MRPS18A: variants seen among roughly 807,000 people sequenced by gnomAD.
MRPS18A encodes the protein mitochondrial ribosomal protein S18A.
Under a neutral mutation model 22.7 loss-of-function variants are expected in MRPS18A, and 20 were observed. The ratio of observed to expected loss-of-function variants is 0.88; its 90% CI spans 0.62 to 1.28. MRPS18A has a LOEUF of 1.28. MRPS18A is among the 50% of genes most tolerant of loss of function. The pLI is 0.00. For missense variants in MRPS18A, 294 were observed against 262.6 expected (o/e 1.12, Z -0.83); for synonymous variants, 106 against 99.1 (o/e 1.07, Z -0.41).
chr6:43,681,032 G>A (rs995268792), intron 2 of MRPS18A, 57 bp downstream of exon 2: 21 of 1,561,720 alleles, frequency 1.3e-5, no homozygotes, highest in African/African-American at 6.8e-5. Flanking sequence ...TCAGAGGAGC[G>A]GCCAGGCAGC....
At chr6:43,682,424 C>T (rs1484755530) in intron 1 of MRPS18A, among the ~76,000 whole-genome samples, 2 of 152,212 alleles carry the variant, frequency 1.3e-5, no homozygotes, top group African/African-American at 4.8e-5. Context: ...CCTAATTGGA[C>T]ACAGACTGCT....
intron 1 of MRPS18A, among the ~76,000 whole-genome samples, chr6:43,682,748 G>C (rs1176600656): frequency 1.3e-5 from 2 of 152,352 alleles, no homozygotes; most frequent in East Asian, 3.9e-4. Flanking sequence ...CACAGCTGCA[G>C]AGGGAAGGTC....
intron 5 of MRPS18A, 105 bp downstream of exon 5, chr6:43,675,097 G>A: frequency 1.0e-6 from 1 of 992,910 alleles, no homozygotes; most frequent in East Asian, 2.6e-5. Flanking sequence ...GTGGACTGAT[G>A]GGGGTGGATG....
rs1013680379 is a variant in MRPS18A, at chr6:43,673,184, C to T, written c.447-1278G>A. On this transcript the variant is annotated intron_variant, in intron 5 of 5. Transcript: ENST00000372133. This position sits in a 1 kb window ranked among gnomAD's most constrained non-coding sequence, Gnocchi z 4.2. ...TGTATTTTTAGTAGAGACGTGGTTT[C>T]CTCATGTTGGCCAGGCTGGTCTTGA... Among the ~76,000 whole-genome samples, 2 of 152,060 alleles carry T rather than the reference C, an allele frequency of 1.3e-5. No homozygotes were observed. The highest frequency in any genetic ancestry group is 2.4e-5 in the African/African-American group (1 of 41,384).
intron 1 of MRPS18A, among the ~76,000 whole-genome samples, chr6:43,685,010 G>C (rs903462264): frequency 6.6e-6 from 1 of 152,176 alleles, no homozygotes; most frequent in African/African-American, 2.4e-5. Context: ...AGAGCTTTCA[G>C]GGAAGGAGGG....
At position 43,671,981 on chromosome 6, in the gene MRPS18A, T is replaced by G. The variant is rs868210794; in HGVS notation, c.447-75A>C. 251 of 1,455,192 alleles carry G rather than the reference T, an allele frequency of 1.7e-4. No individual in the cohort carries two copies. The African/African-American group carries it at 3.2e-3, about 18-fold the overall frequency. 90.1% of individuals were successfully genotyped at this position (1,455,192 alleles called of 1,614,324 possible). The stretch of plus-strand genomic sequence containing the variant: ...GGACGTGGGAGAGTGGAGCACTACC[T>G]CCTCAGGCCAGGCCACGGTTGGGCA... On this transcript the variant is annotated intron_variant, in intron 5 of 5. Coordinates refer to ENST00000372133, the MANE Select transcript of MRPS18A (RefSeq NM_018135.4).
At chr6:43,682,605 C>A (rs1774479563) in intron 1 of MRPS18A, among the ~76,000 whole-genome samples, 1 of 152,202 alleles carries the variant, frequency 6.6e-6, no homozygotes, top group African/African-American at 2.4e-5. Flanking sequence ...CTAATCAATT[C>A]AAAGACAACC....
chr6:43,681,105 T>C lies in MRPS18A; in HGVS notation c.128A>G (p.Glu43Gly). ...GATACTTACTATAGTTGTCTTCCCTTCTTGGGTCTCCACCACTACGGAGAT... is the reference window on the plus strand; with the variant it reads ...GATACTTACTATAGTTGTCTTCCCTCCTTGGGTCTCCACCACTACGGAGAT... ...RGFREVVETQ[E>G]GKTTIIEGRI... Residue 43 changes from glutamate to glycine, a missense_variant, in exon 2 of 6, where the codon GAA (glutamate) becomes GGA (glycine). Transcript: ENST00000372133. 1.9e-6 allele frequency: 3 copies of C among 1,613,594 alleles called. No homozygotes were observed. Among genetic ancestry groups the C allele is most frequent in the East Asian group, 4.5e-5 (2 of 44,884 alleles).
At chr6:43,671,961 T>A (rs1773728297) in intron 5 of MRPS18A, 55 bp from the exon 6 acceptor site, 1 of 1,512,490 alleles carries the variant, frequency 6.6e-7, no homozygotes, top group Non-Finnish European at 8.9e-7. Context: ...AAGCTGGACG[T>A]GGGAGAGTGG....
Position 43,675,225 on chromosome 6 carries a change from C to T in MRPS18A, c.423G>A (p.Pro141=), listed in dbSNP as rs571547048. The T allele has an allele frequency of 5.3e-6, 8 of 1,521,590 alleles. No individual in the cohort carries two copies. The highest frequency in any genetic ancestry group is 4.6e-5 in the East Asian group (2 of 43,952). 94.3% of individuals were successfully genotyped at this position (1,521,590 alleles called of 1,614,324 possible). The change falls in exon 5 of 6, where the codon CCG becomes CCA. Residue 141 remains proline (P), a synonymous_variant. Coordinates refer to ENST00000372133, the MANE Select transcript of MRPS18A (RefSeq NM_018135.4). The stretch of plus-strand genomic sequence containing the variant: ...ACCGGTTGAGTTGGGGTTTGCTCTT[C>T]GGAACAACTCCTTCAGGAAGCCGAG... ...HRPRLPEGVV[P]KSKPQLNRYL...
Position 43,687,751 on chromosome 6 carries a change from C to G in MRPS18A, c.29G>C (p.Gly10Ala), listed in dbSNP as rs767126914. 3.8e-6 allele frequency: 6 copies of G among 1,584,144 alleles called. No individual in the cohort carries two copies. In the South Asian group the frequency reaches 6.9e-5, roughly 18 times the overall value. MAALKALVS[G>A]CGRLLRGLLA... ...TAGCCCACGGAGAAGCCGCCCACAG[C>G]CGGACACCAGAGCCTTGAGGGCCGC... The change falls in exon 1 of 6, where the codon GGC becomes GCC. Residue 10 changes from glycine to alanine, a missense_variant. By Grantham distance (60) the Gly-to-Ala change is moderately conservative. Transcript: ENST00000372133.
chr6:43,671,527 C>T lies in MRPS18A; in HGVS notation c.*235G>A. The T allele has an allele frequency of 3.5e-6, 2 of 577,862 alleles. No individual in the cohort carries two copies. The highest frequency in any genetic ancestry group is 6.2e-6 in the Non-Finnish European group (2 of 324,626). 35.8% of individuals were successfully genotyped at this position (577,862 alleles called of 1,614,324 possible). A position where few individuals can be genotyped will look rare whatever the true frequency, so the allele number is the denominator to read the frequency against. On this transcript the variant is annotated 3_prime_UTR_variant, in exon 6 of 6. Transcript: ENST00000372133. ...CCCCAGCACTGAGCATGGCCTAAGC[C>T]CCATAGCAGCTGGCAAGGGACCCAA...
rs1773696826 is a variant in MRPS18A at position 43,671,568 on chromosome 6, C to T, written c.*194G>A. 1 of 648,598 alleles carries T rather than the reference C, an allele frequency of 1.5e-6. No individual in the cohort carries two copies. Among genetic ancestry groups the T allele is most frequent in the African/African-American group, 1.8e-5 (1 of 54,770 alleles). The allele number at this position is 648,598 out of a possible 1,614,324, so 40.2% of individuals were successfully genotyped here. A position where few individuals can be genotyped will look rare whatever the true frequency, so the allele number is the denominator to read the frequency against. Reference sequence around the variant, plus strand: ...AGGGACCCAACTGCCCTGCCTGCCTCTAGCTCCCAGCATTGCTACTGTGCA... The same window carrying T: ...AGGGACCCAACTGCCCTGCCTGCCTTTAGCTCCCAGCATTGCTACTGTGCA... On this transcript the variant is annotated 3_prime_UTR_variant, in exon 6 of 6. Transcript: ENST00000372133.
chr6:43,678,421 C>A, intron 3 of MRPS18A, 97 bp downstream of exon 3: 1 of 888,416 alleles, frequency 1.1e-6, no homozygotes, highest in Non-Finnish European at 1.9e-6. Context: ...CCATGAAATG[C>A]AGCAGTAGCT....
In MRPS18A at chr6:43,671,953, G is replaced by C. The variant is rs926169642; in HGVS notation, c.447-47C>G. 2.0e-6 allele frequency: 3 copies of C among 1,528,314 alleles called. No individual in the cohort carries two copies. The African/African-American group carries it at 4.1e-5, about 21-fold the overall frequency. 94.7% of individuals were successfully genotyped at this position (1,528,314 alleles called of 1,614,324 possible). Reference sequence around the variant, plus strand: ...GTGCCTGTGAGGGCTGGGGGCCCAAGCTGGACGTGGGAGAGTGGAGCACTA... The same window carrying C: ...GTGCCTGTGAGGGCTGGGGGCCCAACCTGGACGTGGGAGAGTGGAGCACTA... On this transcript the variant is annotated intron_variant, in intron 5 of 5. Transcript: ENST00000372133.
At position 43,678,527 on chromosome 6, in the gene MRPS18A, A is replaced by C. The variant is rs759939344; in HGVS notation, c.243T>G (p.Tyr81Ter). ...CTGTACCCAGACTCACGTCATAGTT[A>C]TACTTGTGCTTCAGGTTCCAACGGC... ...PICRWNLKHK[Y>*]NYDDVLLLSQ... The change falls in exon 3 of 6, where the codon TAT becomes TAG. Residue 81 changes from tyrosine to a stop codon, truncating the protein, a stop_gained. Coordinates refer to ENST00000372133, the MANE Select transcript of MRPS18A (RefSeq NM_018135.4). LOFTEE classifies it high-confidence loss of function. 1.2e-6 allele frequency: 2 copies of C among 1,609,966 alleles called. No individual in the cohort carries two copies. The highest frequency in any genetic ancestry group is 1.7e-6 in the Non-Finnish European group (2 of 1,176,308).
At chr6:43,676,429 C>G (rs886707397) in intron 3 of MRPS18A, among the ~76,000 whole-genome samples, 21 of 152,110 alleles carry the variant, frequency 1.4e-4, no homozygotes, top group Admixed American at 1.1e-3. Context: ...AGGAAGGAAC[C>G]AGGGTTGTGA....
chr6:43,686,014 G>A (rs1321529382), intron 1 of MRPS18A, among the ~76,000 whole-genome samples: 3 of 152,060 alleles, frequency 2.0e-5, no homozygotes, highest in East Asian at 1.9e-4. Context: ...ACGTTGCCCA[G>A]GTTAGACTCC....
chr6:43,675,836 G>A (rs1774023823), intron 3 of MRPS18A, among the ~76,000 whole-genome samples: 1 of 151,868 alleles, frequency 6.6e-6, no homozygotes, highest in South Asian at 2.1e-4. Context: ...TCAACCCCAA[G>A]AGCTCCCAGC....
Sources: allele counts gnomAD v4.1 joint callset (sites outside exome capture counted in the v4.1 genomes callset), GRCh38; gene constraint gnomAD v4.1.1; non-coding constraint Gnocchi (gnomAD v3.1); transcripts MANE v1.5; gene names NCBI Gene and HGNC (gene_info 2026-07-23, HGNC 2026-07-21).